ABCC9: variants seen among roughly 807,000 people sequenced by gnomAD.
The protein encoded by ABCC9 is ATP binding cassette subfamily C member 9, also known as ATP-binding cassette sub-family C member 9.
Under a neutral mutation model 188.3 loss-of-function variants are expected in ABCC9, and 95 were observed. The observed-to-expected ratio is 0.50, with a 90% CI of 0.43 to 0.60. The LOEUF is 0.60. Among genes scored for constraint, ABCC9 ranks in the 20% least tolerant of loss-of-function variants. The pLI is 0.00. For missense variants in ABCC9, 1,102 were observed against 1,876.3 expected (o/e 0.59, Z 7.62); for synonymous variants, 659 against 652.7 (o/e 1.01, Z -0.15).
chr12:21,887,773 C>G lies in ABCC9; in HGVS notation c.1911+53G>C, dbSNP rs1004095154. Reference sequence around the variant, plus strand: ...ACTCAGTTGTATTAATCTGTCCATTCTGCTGAGACTGTCCTCTATTCACAA... The same window carrying G: ...ACTCAGTTGTATTAATCTGTCCATTGTGCTGAGACTGTCCTCTATTCACAA... On this transcript the variant is annotated intron_variant, in intron 15 of 39. Coordinates refer to ENST00000261200, the MANE Select transcript of ABCC9 (RefSeq NM_020297.4). 3.6e-5 allele frequency: 41 copies of G among 1,130,496 alleles called. No individual in the cohort carries two copies. In the African/African-American group the frequency reaches 6.1e-4, roughly 17 times the overall value. The allele number at this position is 1,130,496 out of a possible 1,614,324, so 70.0% of individuals were successfully genotyped here.
intron 29 of ABCC9, among the ~76,000 whole-genome samples, chr12:21,839,222 G>C (rs1295510578): frequency 2.0e-5 from 3 of 152,184 alleles, no homozygotes; most frequent in African/African-American, 7.2e-5. Flanking sequence ...GTAGGGGAAT[G>C]TGGGACAGTC....
At chr12:21,855,671 T>G (rs557196625) in intron 22 of ABCC9, among the ~76,000 whole-genome samples, 2 of 152,272 alleles carry the variant, frequency 1.3e-5, no homozygotes, top group East Asian at 3.9e-4. Context: ...ATGGGGATAA[T>G]AAAGAGGCCT....
intron 9 of ABCC9, among the ~76,000 whole-genome samples, chr12:21,910,590 T>G (rs1440964168): frequency 1.3e-5 from 2 of 152,062 alleles, no homozygotes; most frequent in African/African-American, 4.8e-5. Flanking sequence ...CAGAAAGAGA[T>G]AAATAAATGT....
intron 2 of ABCC9, among the ~76,000 whole-genome samples, chr12:21,937,075 C>G (rs1158883603): frequency 6.6e-6 from 1 of 152,080 alleles, no homozygotes; most frequent in Non-Finnish European, 1.5e-5. Context: ...GGTATAATTT[C>G]AAATATTTTC....
chr12:21,815,841 A>G lies in ABCC9; in HGVS notation c.3945T>C (p.His1315=). 1 of 1,613,424 alleles carries G rather than the reference A, an allele frequency of 6.2e-7. No individual in the cohort carries two copies. The highest frequency in any genetic ancestry group is 8.5e-7 in the Non-Finnish European group (1 of 1,179,612). The change falls in exon 34 of 40, where the codon CAT becomes CAC. Residue 1315 remains histidine, a synonymous_variant. Transcript: ENST00000261200. ...TATTTTCATATCTGACACACAGATC[A>G]TGTATCTTGATCTCCCCTTCTTGTG... The part of the protein sequence containing the change: ...HWPQEGEIKI[H]DLCVRYENNL...
At chr12:21,940,182 A>G (rs1319401129) in intron 2 of ABCC9, among the ~76,000 whole-genome samples, 3 of 152,218 alleles carry the variant, frequency 2.0e-5, no homozygotes, top group Non-Finnish European at 4.4e-5. Flanking sequence ...TTCTGATCGA[A>G]TAGCAATTGC....
chr12:21,813,310 A>T (rs1942385223), intron 35 of ABCC9, among the ~76,000 whole-genome samples: 1 of 152,190 alleles, frequency 6.6e-6, no homozygotes, highest in African/African-American at 2.4e-5. Context: ...AGTTAATCCT[A>T]TCACTTTTGT....
At chr12:21,874,985 T>A (rs543662537) in intron 17 of ABCC9, among the ~76,000 whole-genome samples, 8 of 150,830 alleles carry the variant, frequency 5.3e-5, no homozygotes, top group African/African-American at 1.7e-4. Context: ...AATCTGCTGG[T>A]CAATATAGTA....
At chr12:21,887,789 C>A (rs1372407622) in intron 15 of ABCC9, 37 bp downstream of exon 15, 5 of 1,283,106 alleles carry the variant, frequency 3.9e-6, no homozygotes, top group Non-Finnish European at 4.6e-6. Flanking sequence ...AGACTGTCCT[C>A]TATTCACAAC....
At chr12:21,899,714 T>C (rs1467291554) in intron 12 of ABCC9, among the ~76,000 whole-genome samples, 1 of 152,132 alleles carries the variant, frequency 6.6e-6, no homozygotes, top group Admixed American at 6.5e-5. Flanking sequence ...CACTTATTGC[T>C]AGCACAGCAG....
intron 22 of ABCC9, 54 bp downstream of exon 22, chr12:21,859,532 A>T: frequency 6.4e-7 from 1 of 1,554,762 alleles, no homozygotes; most frequent in Non-Finnish European, 8.9e-7. Context: ...TTAAAGACTC[A>T]TTTGTCCAGA....
intron 7 of ABCC9, 51 bp from the exon 8 acceptor site, chr12:21,913,117 T>TC: frequency 4.7e-6 from 7 of 1,499,178 alleles, no homozygotes; most frequent in East Asian, 2.3e-5. Context: ...ATAAAACTGC[T>TC]TAGAGCAGTA....
Position 21,888,110 on chromosome 12 carries a change from GGACAGAGGGGTT to G in ABCC9, c.1803-188_1803-177del, listed in dbSNP as rs6144644. Among the ~76,000 whole-genome samples, 52,249 of 151,874 alleles carry G rather than the reference GGACAGAGGGGTT, an allele frequency of 0.34. 10,828 individuals are homozygous for G. The highest frequency in any genetic ancestry group is 0.46 in the Middle Eastern group (135 of 294). On this transcript the variant is annotated intron_variant, in intron 14 of 39. Transcript: ENST00000261200. ...TCGACCAAACATCCTAAATTGCTGA[GGACAGAGGGGTT>G]TCCAGGACATGGGACTTTCAGTACT...
chr12:21,919,205 A>G (rs1239209305), intron 5 of ABCC9, among the ~76,000 whole-genome samples: 1 of 152,012 alleles, frequency 6.6e-6, no homozygotes, highest in Admixed American at 6.6e-5. Flanking sequence ...GCAATAAAAT[A>G]GAAAAATGAA....
intron 11 of ABCC9, 98 bp downstream of exon 11, chr12:21,907,979 C>A: frequency 7.5e-7 from 1 of 1,338,522 alleles, no homozygotes. Context: ...AGAATTGTTT[C>A]CAAATTATCT....
intron 24 of ABCC9, 113 bp downstream of exon 24, chr12:21,851,984 C>T: frequency 8.1e-7 from 1 of 1,239,086 alleles, no homozygotes; most frequent in Non-Finnish European, 1.1e-6. Context: ...AGATAAAGAC[C>T]ATTATATTAC....
intron 14 of ABCC9, among the ~76,000 whole-genome samples, chr12:21,891,131 A>T (rs1947142143): frequency 6.6e-6 from 1 of 152,132 alleles, no homozygotes; most frequent in Non-Finnish European, 1.5e-5. Context: ...GGTCTGTCTA[A>T]CTAGGCTGTG....
rs531295886 is a variant in ABCC9, at chr12:21,806,074, A to T, written c.4450-14T>A. 5.7e-5 allele frequency: 92 copies of T among 1,612,176 alleles called. 1 individual carries two copies. The South Asian group carries it at 8.2e-4, about 14-fold the overall frequency. On this transcript the variant is annotated splice_polypyrimidine_tract_variant and intron_variant, in intron 38 of 39. Transcript: ENST00000261200. ...CAAAATATTCTCCTGCAAAAAAAAA[A>T]AAGTGTAAATTTTCTCGGGATTACT...
chr12:21,923,624 C>T (rs1948924879), intron 5 of ABCC9: 1 of 541,562 alleles, frequency 1.8e-6, no homozygotes, highest in Non-Finnish European at 3.3e-6. Context: ...AGACCAAGAT[C>T]ACCAAATGAT....
Sources: gnomAD v4.1 joint callset for allele counts (sites outside exome capture counted in the v4.1 genomes callset) on GRCh38, gnomAD v4.1.1 for gene constraint, MANE v1.5 for transcripts, NCBI Gene and HGNC (gene_info 2026-07-23, HGNC 2026-07-21) for gene names.